SAFB2: variants seen among roughly 807,000 people sequenced by gnomAD.
The protein encoded by SAFB2 is scaffold attachment factor B2.
In SAFB2, 32 loss-of-function variants were observed where a neutral mutation model predicts 100.6. The ratio of observed to expected loss-of-function variants is 0.32; its 90% CI spans 0.24 to 0.43. SAFB2 has a LOEUF of 0.43. Among genes scored for constraint, SAFB2 ranks in the 20% least tolerant of loss-of-function variants. The pLI is 1.00. For missense variants in SAFB2, 1,185 were observed against 1,163.4 expected (o/e 1.02, Z -0.27); for synonymous variants, 500 against 439.4 (o/e 1.14, Z -1.72).
intron 15 of SAFB2, 87 bp from the exon 16 acceptor site, chr19:5,592,974 C>G: frequency 2.4e-6 from 3 of 1,249,400 alleles, no homozygotes; most frequent in East Asian, 2.4e-5. Context: ...GGGAGGGGAG[C>G]TCTCTCCCCA....
chr19:5,603,303 T>C (rs2052703854), intron 11 of SAFB2, among the ~76,000 whole-genome samples: 1 of 152,182 alleles, frequency 6.6e-6, no homozygotes, highest in Non-Finnish European at 1.5e-5. Context: ...TTAAAAATAA[T>C]AATTCCAATT....
intron 4 of SAFB2, among the ~76,000 whole-genome samples, chr19:5,615,356 A>AAAAC (rs539553510): frequency 3.4e-4 from 52 of 152,160 alleles, no homozygotes; most frequent in African/African-American, 1.2e-3. Context: ...CTCTGTCTCA[A>AAAAC]AAACAAACAA....
In SAFB2 at chr19:5,613,233, G is replaced by A. The variant is rs150380919; in HGVS notation, c.606+232C>T. On this transcript the variant is annotated intron_variant, in intron 5 of 20. Coordinates refer to ENST00000252542, the MANE Select transcript of SAFB2 (RefSeq NM_014649.3). ...AGGCACTTATGAAGTCCAACCACCA[G>A]AACTGCTCCCTCATCACACTTCTTT... Among the ~76,000 whole-genome samples the A allele has an allele frequency of 3.6e-3, 543 of 152,270 alleles. 5 individuals are homozygous for A. The highest frequency in any genetic ancestry group is 0.013 in the African/African-American group (532 of 41,544).
At chr19:5,620,953 G>A (rs920775233) in intron 2 of SAFB2, among the ~76,000 whole-genome samples, 2 of 152,080 alleles carry the variant, frequency 1.3e-5, no homozygotes, top group African/African-American at 2.4e-5. Flanking sequence ...CTTTTCTTTG[G>A]GTTAAGACCT....
At chr19:5,606,066 T>G (rs2052768189) in intron 9 of SAFB2, among the ~76,000 whole-genome samples, 1 of 152,074 alleles carries the variant, frequency 6.6e-6, no homozygotes, top group African/African-American at 2.4e-5. Context: ...GAACAACCAC[T>G]GGAGGGGCAC....
intron 13 of SAFB2, among the ~76,000 whole-genome samples, chr19:5,596,465 C>T (rs2052538483): frequency 6.6e-6 from 1 of 152,144 alleles, no homozygotes; most frequent in Non-Finnish European, 1.5e-5. Context: ...CCACCTCAGC[C>T]TCCTCAGTAG....
intron 2 of SAFB2, 148 bp from the exon 3 acceptor site, chr19:5,616,634 ATTTGT>A (rs2053037673): frequency 1.2e-5 from 6 of 510,344 alleles, no homozygotes; most frequent in Non-Finnish European, 2.0e-5. Context: ...TTTTGTCTCA[ATTTGT>A]TTTCTTTTTT....
chr19:5,611,726 C>T (rs976689822), intron 6 of SAFB2, 96 bp from the exon 7 acceptor site: 5 of 412,010 alleles, frequency 1.2e-5, no homozygotes, highest in Non-Finnish European at 2.4e-5. Context: ...CACACTAACA[C>T]GAAGAGAACT....
rs568123575 is a variant in SAFB2 at position 5,605,969 on chromosome 19, T to G, written c.1297-1033A>C. On this transcript the variant is annotated intron_variant, in intron 9 of 20. Coordinates refer to ENST00000252542, the MANE Select transcript of SAFB2 (RefSeq NM_014649.3). The stretch of plus-strand genomic sequence containing the variant: ...GCTGAAGAGACCCACAGAGGGTTCC[T>G]CCCACCCAGTGCACACGTGTGCGAG... 6.6e-5 allele frequency among the ~76,000 whole-genome samples: 10 copies of G among 152,202 alleles called. No individual in the cohort carries two copies. The East Asian group carries it at 1.5e-3, about 24-fold the overall frequency.
intron 5 of SAFB2, among the ~76,000 whole-genome samples, chr19:5,613,047 GA>G (rs2052943386): frequency 6.6e-6 from 1 of 152,218 alleles, no homozygotes; most frequent in African/African-American, 2.4e-5. Flanking sequence ...TGGTGGCCCA[GA>G]CTCAGCGAGG....
intron 4 of SAFB2, among the ~76,000 whole-genome samples, chr19:5,615,613 G>A (rs1046811266): frequency 1.3e-5 from 2 of 151,558 alleles, no homozygotes; most frequent in African/African-American, 4.9e-5. Context: ...TATGCAGGGG[G>A]ATTGCTTGAA....
intron 2 of SAFB2, among the ~76,000 whole-genome samples, chr19:5,619,312 T>G (rs2053095344): frequency 6.6e-6 from 1 of 152,148 alleles, no homozygotes; most frequent in African/African-American, 2.4e-5. Flanking sequence ...GCTTGGTTAC[T>G]TCTCTGAAAA....
In SAFB2 at chr19:5,587,785, T is replaced by C. The variant is rs1179487856; in HGVS notation, c.2639-18A>G. 6.4e-7 allele frequency: 1 copy of C among 1,551,644 alleles called. No individual in the cohort carries two copies. The highest frequency in any genetic ancestry group is 1.2e-5 in the South Asian group (1 of 84,132). ...CTCGCCACCTAGAAGAGAAGAAGGG[T>C]CTGCAAACACTCCGTTCCTGGGGAA... On this transcript the variant is annotated intron_variant, in intron 19 of 20. Coordinates refer to ENST00000252542, the MANE Select transcript of SAFB2 (RefSeq NM_014649.3). The surrounding 1 kb of genome is among the most constrained non-coding windows in gnomAD (Gnocchi z 4.9).
intron 2 of SAFB2, among the ~76,000 whole-genome samples, chr19:5,617,034 A>G (rs1323719032): frequency 6.6e-6 from 1 of 152,124 alleles, no homozygotes; most frequent in African/African-American, 2.4e-5. Context: ...ATTTTCCACA[A>G]AATATCTAAA....
chr19:5,594,103 C>T lies in SAFB2; in HGVS notation c.1995G>A (p.Arg665=). 2 of 1,600,626 alleles carry T rather than the reference C, an allele frequency of 1.2e-6. No homozygotes were observed. The highest frequency in any genetic ancestry group is 2.2e-5 in the East Asian group (1 of 44,692). ...GCTGGCACTCGAGCTGCAGGCGTTCCCGCTGTAGCCGGGCCTTCTCCTTCC... is the reference window on the plus strand; with the variant it reads ...GCTGGCACTCGAGCTGCAGGCGTTCTCGCTGTAGCCGGGCCTTCTCCTTCC... The part of the protein sequence containing the change: ...HERKEKARLQ[R]ERLQLECQRQ... Residue 665 remains arginine, a synonymous_variant, in exon 15 of 21, where the codon CGG becomes CGA. Coordinates refer to ENST00000252542, the MANE Select transcript of SAFB2 (RefSeq NM_014649.3).
intron 14 of SAFB2, 56 bp from the exon 15 acceptor site, chr19:5,594,234 G>A (rs2052488303): frequency 2.0e-6 from 3 of 1,485,418 alleles, no homozygotes; most frequent in African/African-American, 1.4e-5. Context: ...CAAGGAGAAA[G>A]CCCGGTGCCC....
At chr19:5,601,436 C>T (rs1185319597) in intron 11 of SAFB2, among the ~76,000 whole-genome samples, 3 of 152,076 alleles carry the variant, frequency 2.0e-5, no homozygotes, top group Admixed American at 6.6e-5. Flanking sequence ...TTAGGCTGGT[C>T]GCGGTGGCTC....
intron 9 of SAFB2, among the ~76,000 whole-genome samples, chr19:5,608,787 C>T (rs1362569605): frequency 1.3e-5 from 2 of 152,284 alleles, no homozygotes; most frequent in South Asian, 2.1e-4. Context: ...CGGTGGCTCA[C>T]GCCTGTAATC....
chr19:5,603,699 A>T (rs1280112899), intron 11 of SAFB2, among the ~76,000 whole-genome samples: 3 of 151,948 alleles, frequency 2.0e-5, no homozygotes, highest in South Asian at 2.1e-4. Flanking sequence ...TGCCACCGTG[A>T]GAACTCACAG....
Sources: gnomAD v4.1 joint callset for allele counts (sites outside exome capture counted in the v4.1 genomes callset) on GRCh38, gnomAD v4.1.1 for gene constraint, Gnocchi (gnomAD v3.1) non-coding constraint, MANE v1.5 for transcripts, NCBI Gene and HGNC (gene_info 2026-07-23, HGNC 2026-07-21) for gene names.